NPHS2: variants seen among roughly 807,000 people sequenced by gnomAD.
NPHS2 encodes NPHS2 stomatin family member, podocin.
In NPHS2, 36 loss-of-function variants were observed where a neutral mutation model predicts 37.1. The ratio of observed to expected loss-of-function variants is 0.97; its 90% confidence interval spans 0.74 to 1.28. The LOEUF (loss-of-function observed/expected upper bound fraction) is 1.28. Among genes scored for constraint, NPHS2 ranks in the 50% most tolerant of loss-of-function variants. NPHS2 has a pLI of 0.00. For synonymous variants in NPHS2, 196 were observed against 189.3 expected (o/e 1.04, Z -0.29); for missense variants, 447 against 488.1 (o/e 0.92, Z 0.79).
intron 1 of NPHS2, among the ~76,000 whole-genome samples, chr1:179,574,346 G>C (rs1020620511): frequency 2.0e-5 from 3 of 152,202 alleles, no homozygotes; most frequent in Non-Finnish European, 4.4e-5. Context: ...CTCAGAGCAT[G>C]TTTCCTCATC....
At chr1:179,551,575 G>T in intron 7 of NPHS2, 124 bp from the exon 8 acceptor site, 1 of 1,096,462 alleles carries the variant, frequency 9.1e-7, no homozygotes, top group Non-Finnish European at 1.4e-6. Context: ...GTTAAGCATA[G>T]AACATGTTTA....
At chr1:179,565,284 TA>T (rs1447423150) in intron 1 of NPHS2, among the ~76,000 whole-genome samples, 2 of 151,634 alleles carry the variant, frequency 1.3e-5, no homozygotes, top group African/African-American at 2.4e-5. Flanking sequence ...AAAAATAAAA[TA>T]AAAAAGAAAG....
At chr1:179,561,413 A>G (rs1217614461) in intron 2 of NPHS2, 52 bp from the exon 3 acceptor site, 1 of 1,397,440 alleles carries the variant, frequency 7.2e-7, no homozygotes, top group Non-Finnish European at 1.0e-6. Flanking sequence ...AAAAGTCTTC[A>G]AAAGGCCTTG....
At chr1:179,568,820 T>C (rs1674433938) in intron 1 of NPHS2, among the ~76,000 whole-genome samples, 1 of 152,234 alleles carries the variant, frequency 6.6e-6, no homozygotes, top group African/African-American at 2.4e-5. Flanking sequence ...CCAGTAGTCA[T>C]TCAGGAGCAA....
At chr1:179,553,237 C>G (rs1322381748) in intron 6 of NPHS2, among the ~76,000 whole-genome samples, 1 of 152,160 alleles carries the variant, frequency 6.6e-6, no homozygotes, top group Non-Finnish European at 1.5e-5. Context: ...TACCATGTGA[C>G]CTAGTAATTC....
chr1:179,564,510 G>T (rs1009281066), intron 2 of NPHS2, among the ~76,000 whole-genome samples, 180 bp downstream of exon 2: 1 of 152,208 alleles, frequency 6.6e-6, no homozygotes, highest in East Asian at 1.9e-4. Context: ...GTCAAGGAAG[G>T]CTTCCTGTTC....
At chr1:179,554,205 C>T (rs1308478106) in intron 6 of NPHS2, among the ~76,000 whole-genome samples, 3 of 152,040 alleles carry the variant, frequency 2.0e-5, no homozygotes, top group East Asian at 1.9e-4. Context: ...TGAGCCACTG[C>T]GCCTGGCCTA....
chr1:179,561,088 C>A (rs1266498887), intron 3 of NPHS2, among the ~76,000 whole-genome samples: 1 of 152,232 alleles, frequency 6.6e-6, no homozygotes, highest in Admixed American at 6.5e-5. Context: ...TGTACCAATT[C>A]TCTCTCTTGG....
At chr1:179,559,880 A>T in intron 3 of NPHS2, 119 bp from the exon 4 acceptor site, 3 of 651,540 alleles carry the variant, frequency 4.6e-6, no homozygotes, top group Non-Finnish European at 8.6e-6. Flanking sequence ...ATTACAGACC[A>T]TTGGCCCATC....
intron 1 of NPHS2, among the ~76,000 whole-genome samples, chr1:179,573,788 C>T (rs981962080): frequency 6.6e-6 from 1 of 152,048 alleles, no homozygotes; most frequent in Non-Finnish European, 1.5e-5. Context: ...GAGAGATATG[C>T]GTAGAAAACT....
intron 4 of NPHS2, 106 bp from the exon 5 acceptor site, chr1:179,557,336 A>G: frequency 1.2e-6 from 1 of 869,496 alleles, no homozygotes; most frequent in Non-Finnish European, 1.9e-6. Flanking sequence ...CGCAAGAGAA[A>G]AATGGAGTTG....
intron 1 of NPHS2, among the ~76,000 whole-genome samples, chr1:179,571,520 G>A (rs1267287588): frequency 6.6e-6 from 1 of 152,210 alleles, no homozygotes; most frequent in Non-Finnish European, 1.5e-5. Flanking sequence ...CACTACACGG[G>A]GGTCAGGGAC....
intron 4 of NPHS2, among the ~76,000 whole-genome samples, chr1:179,559,219 C>T (rs1251282028): frequency 6.6e-6 from 1 of 152,150 alleles, no homozygotes; most frequent in Non-Finnish European, 1.5e-5. Flanking sequence ...GCCCATCCCA[C>T]ATTAGGGGAG....
At chr1:179,574,012 G>T (rs1306426522) in intron 1 of NPHS2, among the ~76,000 whole-genome samples, 1 of 152,130 alleles carries the variant, frequency 6.6e-6, no homozygotes, top group African/African-American at 2.4e-5. Context: ...CCTGCCTTTG[G>T]GAGTGTGGTG....
chr1:179,567,918 A>G (rs1674397711), intron 1 of NPHS2, among the ~76,000 whole-genome samples: 1 of 152,114 alleles, frequency 6.6e-6, no homozygotes, highest in Admixed American at 6.5e-5. Flanking sequence ...GATGAAGCCA[A>G]CTTGATCGTG....
intron 4 of NPHS2, among the ~76,000 whole-genome samples, chr1:179,559,002 C>T (rs1402797354): frequency 1.3e-5 from 2 of 151,658 alleles, no homozygotes; most frequent in Non-Finnish European, 2.9e-5. Context: ...TATATGTACA[C>T]ACACACGTAC....
intron 1 of NPHS2, among the ~76,000 whole-genome samples, chr1:179,573,336 A>G (rs1476218702): frequency 6.6e-6 from 1 of 152,244 alleles, no homozygotes; most frequent in Non-Finnish European, 1.5e-5. Flanking sequence ...CCATCCTACG[A>G]AATACTAATC....
At chr1:179,567,777 G>T (rs1279281778) in intron 1 of NPHS2, among the ~76,000 whole-genome samples, 1 of 152,102 alleles carries the variant, frequency 6.6e-6, no homozygotes, top group Non-Finnish European at 1.5e-5. Context: ...TAGCATGAAG[G>T]GCTGTTGAAT....
chr1:179,573,392 T>G (rs1190314183), intron 1 of NPHS2, among the ~76,000 whole-genome samples: 1 of 152,230 alleles, frequency 6.6e-6, no homozygotes, highest in Non-Finnish European at 1.5e-5. Context: ...CAAATGAGTT[T>G]AGAGAATACT....
Sources: gnomAD v4.1 joint callset for allele counts (sites outside exome capture counted in the v4.1 genomes callset) on GRCh38, gnomAD v4.1.1 for gene constraint, MANE v1.5 for transcripts, NCBI Gene and HGNC (gene_info 2026-07-23, HGNC 2026-07-21) for gene names.